Variants in PKD1L1 observed in about 807,000 individuals in gnomAD.
PKD1L1 encodes polycystin 1 like 1, transient receptor potential channel interacting.
A neutral mutation model predicts 323.4 loss-of-function variants in PKD1L1; 236 were observed. That is an observed-to-expected ratio of 0.73 (90% CI 0.66 to 0.81). The LOEUF is 0.81. Ranked by LOEUF, PKD1L1 falls within the 40% of genes least tolerant of loss-of-function variation. PKD1L1 has a pLI of 0.00. For synonymous variants in PKD1L1, 1,344 were observed against 1,335.0 expected (o/e 1.01, Z -0.15); for missense variants, 3,320 against 3,508.0 (o/e 0.95, Z 1.35).
the PKD1L1 span, among the ~76,000 whole-genome samples, chr7:47,959,460 G>A: frequency 1.0e-4 from 15 of 145,342 alleles, no homozygotes; most frequent in East Asian, 2.5e-3. Flanking sequence ...TGTGGGGAGC[G>A]CCTCTGCCCC....
At chr7:47,874,226 A>G (rs1338474255) in intron 23 of PKD1L1, among the ~76,000 whole-genome samples, 1 of 152,196 alleles carries the variant, frequency 6.6e-6, no homozygotes, top group Non-Finnish European at 1.5e-5. Flanking sequence ...CCTACATGAT[A>G]TATAGAAATT....
chr7:47,888,282 C>T (rs1786728092), intron 16 of PKD1L1, 132 bp from the exon 17 acceptor site: 1 of 889,372 alleles, frequency 1.1e-6, no homozygotes, highest in Admixed American at 2.5e-5. Context: ...AGCAATGTCA[C>T]AGCACATATG....
chr7:47,876,198 C>A lies in PKD1L1; in HGVS notation c.3683G>T (p.Ser1228Ile). The A allele has an allele frequency of 6.2e-7, 1 of 1,614,002 alleles. No homozygotes were observed. The highest frequency in any genetic ancestry group is 8.5e-7 in the Non-Finnish European group (1 of 1,179,908). Residue 1228 changes from serine (S) to isoleucine (I), a missense_variant, in exon 23 of 57, where the codon AGT becomes ATT. Coordinates refer to ENST00000289672, the MANE Select transcript of PKD1L1 (RefSeq NM_138295.5). ...SGKPDFHYEF[S>I]YQIGNTSKHT... ...TTTGGAGGTGTTTCCTATCTGGTAA[C>A]TAAATTCATAATGGAAGTCCTATGA...
chr7:47,908,216 G>GT lies in PKD1L1; in HGVS notation c.1262dup (p.Asn421LysfsTer20). ...GCTCCACTTCGGTTCCATGAAACTC[G>GT]TTATAAATAACAGCCTTGAGCATAT... On this transcript the variant is annotated frameshift_variant, in exon 9 of 57. Coordinates refer to ENST00000289672, the MANE Select transcript of PKD1L1 (RefSeq NM_138295.5). LOFTEE classifies it high-confidence loss of function. 6.2e-7 allele frequency: 1 copy of GT among 1,614,110 alleles called. No homozygotes were observed.
At chr7:47,802,752 C>T (rs1264280110) in intron 53 of PKD1L1, among the ~76,000 whole-genome samples, 1 of 152,244 alleles carries the variant, frequency 6.6e-6, no homozygotes, top group Admixed American at 6.5e-5. Flanking sequence ...ACCCTCCAGA[C>T]CAGACTTCAG....
In PKD1L1 at chr7:47,857,608, C is replaced by A. The variant is rs748831992; in HGVS notation, c.4587G>T (p.Gly1529=). ...CAGGTCATCTGTCAGCTTGTACCTG[C>A]CCAGGAGCTTGGCTCCCTGGATATG... ...KNPYPGSQAP[G]QIGGVVGLNL... Residue 1529 remains glycine, a synonymous_variant, in exon 28 of 57, where the codon GGG becomes GGT. Coordinates refer to ENST00000289672, the MANE Select transcript of PKD1L1 (RefSeq NM_138295.5). 3 of 1,613,164 alleles carry A rather than the reference C, an allele frequency of 1.9e-6. No individual in the cohort carries two copies. The South Asian group carries it at 3.3e-5, about 18-fold the overall frequency.
chr7:47,893,229 C>CAA (rs529686945), intron 15 of PKD1L1, among the ~76,000 whole-genome samples: 168 of 52,050 alleles, frequency 3.2e-3, no homozygotes, highest in Middle Eastern at 0.01. Context: ...GACCCTATCT[C>CAA]AAAAAAAAAA....
intron 26 of PKD1L1, among the ~76,000 whole-genome samples, chr7:47,859,464 CT>C (rs901487735): frequency 1.3e-5 from 2 of 150,910 alleles, no homozygotes; most frequent in Admixed American, 6.6e-5. Context: ...GTTTCTTTTC[CT>C]TTTTTTTTCT....
At chr7:47,849,991 T>C (rs1187034187) in intron 31 of PKD1L1, among the ~76,000 whole-genome samples, 3 of 152,046 alleles carry the variant, frequency 2.0e-5, no homozygotes, top group Admixed American at 6.5e-5. Flanking sequence ...GGCATAAGAA[T>C]GACATAATAG....
At chr7:47,928,336 A>G (rs1197319966) in intron 7 of PKD1L1, among the ~76,000 whole-genome samples, 1 of 152,236 alleles carries the variant, frequency 6.6e-6, no homozygotes, top group Non-Finnish European at 1.5e-5. Flanking sequence ...TGGGAGGCCC[A>G]GGCAGGCAGA....
At chr7:47,855,319 T>A in intron 28 of PKD1L1, 54 bp from the exon 29 acceptor site, 1 of 1,396,860 alleles carries the variant, frequency 7.2e-7, no homozygotes, top group Non-Finnish European at 1.0e-6. Flanking sequence ...TGGACTTAAG[T>A]GAGAAAAGCA....
At position 47,908,137 on chromosome 7, in the gene PKD1L1, A is replaced by G. The variant is rs760316298; in HGVS notation, c.1342T>C (p.Ser448Pro). 6.2e-6 allele frequency: 10 copies of G among 1,614,214 alleles called. No individual in the cohort carries two copies. In the South Asian group the frequency reaches 8.8e-5, roughly 14 times the overall value. The change falls in exon 9 of 57, where the codon TCC (serine) becomes CCC (proline). Residue 448 changes from serine (S) to proline (P), a missense_variant. Coordinates refer to ENST00000289672, the MANE Select transcript of PKD1L1 (RefSeq NM_138295.5). The stretch of plus-strand genomic sequence containing the variant: ...ACTTCATCTTCATGGACACTGCTGG[A>G]GTTCATGAACGCAGACACGGCCTCA... ...GHEAVSAFMN[S>P]SSVHEDEVLV... is the part of the protein sequence containing the mutation.
intron 16 of PKD1L1, among the ~76,000 whole-genome samples, chr7:47,890,122 C>T (rs4292596): frequency 6.6e-6 from 1 of 152,192 alleles, no homozygotes; most frequent in African/African-American, 2.4e-5. Flanking sequence ...TGGGCCCACA[C>T]TGCTGTCCCC....
chr7:47,901,826 G>A (rs1787095892), intron 13 of PKD1L1, among the ~76,000 whole-genome samples: 1 of 152,186 alleles, frequency 6.6e-6, no homozygotes, highest in African/African-American at 2.4e-5. Flanking sequence ...GAGCACCTCT[G>A]CCCTGAAAAG....
At chr7:47,952,594 C>T (rs904725183), upstream of PKD1L1, among the ~76,000 whole-genome samples, 4 of 152,210 alleles carry the variant, frequency 2.6e-5, no homozygotes, top group East Asian at 1.9e-4. Context: ...GCTTCTGGGC[C>T]GTTTTCTCTG....
At chr7:47,901,004 T>C (rs115622445) in intron 13 of PKD1L1, among the ~76,000 whole-genome samples, 1,724 of 152,220 alleles carry the variant, frequency 0.011, 28 homozygotes, top group African/African-American at 0.039. Context: ...GGATTTGAGA[T>C]GATTTCATTT....
chr7:47,788,878 T>C (rs939013779), intron 56 of PKD1L1, among the ~76,000 whole-genome samples: 1 of 152,088 alleles, frequency 6.6e-6, no homozygotes, highest in Non-Finnish European at 1.5e-5. Flanking sequence ...ATTTCAGGTG[T>C]AAGCCACCGT....
chr7:47,879,351 G>T (rs777898036), intron 21 of PKD1L1, among the ~76,000 whole-genome samples: 1 of 152,174 alleles, frequency 6.6e-6, no homozygotes, highest in East Asian at 1.9e-4. Flanking sequence ...TTGTTGGCTG[G>T]GTGCGGTGGC....
At chr7:47,908,325 T>C (rs1340434291) in intron 8 of PKD1L1, 75 bp from the exon 9 acceptor site, 5 of 1,386,508 alleles carry the variant, frequency 3.6e-6, no homozygotes, top group Admixed American at 1.8e-5. Flanking sequence ...TGTAGAATGG[T>C]CAAAATGGGG....
Sources: gnomAD v4.1 joint callset for allele counts (sites outside exome capture counted in the v4.1 genomes callset) on GRCh38, gnomAD v4.1.1 for gene constraint, MANE v1.5 for transcripts, NCBI Gene and HGNC (gene_info 2026-07-23, HGNC 2026-07-21) for gene names.